The following WDPCP variants were observed in gnomAD, a reference collection of about 807,000 sequenced individuals.
WDPCP encodes the protein WD repeat containing planar cell polarity effector.
A neutral mutation model predicts 93.1 loss-of-function variants in WDPCP; 71 were observed. The ratio of observed to expected loss-of-function variants is 0.76; its 90% CI spans 0.63 to 0.93. The LOEUF (loss-of-function observed/expected upper bound fraction) is 0.93, where lower values mean the gene tolerates loss of function less well. Among genes scored for constraint, WDPCP ranks in the 40% least tolerant of loss-of-function variants. WDPCP has a pLI of 0.00. For missense variants in WDPCP, 844 were observed against 887.4 expected, an observed-to-expected ratio of 0.95 and a Z score of 0.62; for synonymous variants, 315 against 315.0, an observed-to-expected ratio of 1.00 and a Z score of 0.00.
intron 2 of WDPCP, among the ~76,000 whole-genome samples, chr2:63,694,387 T>G (rs929114690): frequency 3.3e-5 from 5 of 152,164 alleles, no homozygotes; most frequent in African/African-American, 1.2e-4. Context: ...TTGATGCAAC[T>G]TCCCTCTTTT....
At chr2:63,378,809 C>T (rs1692063898) in intron 11 of WDPCP, among the ~76,000 whole-genome samples, 2 of 152,142 alleles carry the variant, frequency 1.3e-5, no homozygotes, top group South Asian at 4.1e-4. Context: ...CAAAGTAACA[C>T]AGTTTGAACT....
chr2:63,705,970 T>G (rs1345018779), intron 2 of WDPCP, among the ~76,000 whole-genome samples: 1 of 152,182 alleles, frequency 6.6e-6, no homozygotes, highest in East Asian at 1.9e-4. Flanking sequence ...GCTTTATGAA[T>G]CTGGGTGCCC....
At chr2:63,228,144 C>G (rs1177527995) in intron 14 of WDPCP, among the ~76,000 whole-genome samples, 1 of 151,916 alleles carries the variant, frequency 6.6e-6, no homozygotes, top group Non-Finnish European at 1.5e-5. Context: ...TGAAAATCTC[C>G]AAGTTGCTGG....
chr2:63,236,263 ACAC>A (rs1312897857), intron 14 of WDPCP, among the ~76,000 whole-genome samples: 1 of 152,176 alleles, frequency 6.6e-6, no homozygotes, highest in Non-Finnish European at 1.5e-5. Flanking sequence ...ACTTAAGAAT[ACAC>A]CTAACCAAGA....
At chr2:63,219,072 C>T (rs558697430) in intron 14 of WDPCP, among the ~76,000 whole-genome samples, 1 of 152,212 alleles carries the variant, frequency 6.6e-6, no homozygotes, top group South Asian at 2.1e-4. Flanking sequence ...TACATGTATG[C>T]ATAGTGTCAT....
At position 63,427,466 on chromosome 2, in the gene WDPCP, A is replaced by C. The variant is rs181319302; in HGVS notation, c.825+6279T>G. ...AAAACCACAAAATTACATGGAAATT[A>C]AACAACTTACTCCTGAATGACTTTT... On this transcript the variant is annotated intron_variant, in intron 9 of 17. Transcript: ENST00000272321. Among the ~76,000 whole-genome samples the C allele has an allele frequency of 2.4e-3, 373 of 152,332 alleles. 4 individuals carry two copies. The highest frequency in any genetic ancestry group is 8.5e-3 in the African/African-American group (354 of 41,586).
intron 12 of WDPCP, among the ~76,000 whole-genome samples, chr2:63,358,823 T>A (rs1690218941): frequency 6.6e-6 from 1 of 152,178 alleles, no homozygotes; most frequent in Non-Finnish European, 1.5e-5. Context: ...CAAATTCTTT[T>A]CCACTATCAC....
chr2:63,271,191 G>C (rs527504696), intron 13 of WDPCP, among the ~76,000 whole-genome samples: 12 of 152,350 alleles, frequency 7.9e-5, no homozygotes, highest in African/African-American at 2.9e-4. Context: ...CAGAGCCTGA[G>C]AGCCAACTTC....
rs190903138 is a variant in WDPCP at position 63,819,438 on chromosome 2, T to C, written n.223-5731A>G. On this transcript the variant is annotated intron_variant and non_coding_transcript_variant, in intron 1 of 4. Coordinates refer to the WDPCP transcript ENST00000467687. Reference sequence around the variant, plus strand: ...GGTCAGGTGGCTTGGGTTTCCCTAATAGTCATAAACCAGCAGGTGGAGGAT... The same window carrying C: ...GGTCAGGTGGCTTGGGTTTCCCTAACAGTCATAAACCAGCAGGTGGAGGAT... Among the ~76,000 whole-genome samples the C allele has an allele frequency of 2.0e-5, 3 of 152,298 alleles. No homozygotes were observed. In the East Asian group the frequency reaches 5.8e-4, roughly 29 times the overall value.
chr2:63,529,694 T>C (rs1165961596), intron 1 of WDPCP, among the ~76,000 whole-genome samples: 1 of 152,208 alleles, frequency 6.6e-6, no homozygotes, highest in African/African-American at 2.4e-5. Context: ...GTTGTGTCTC[T>C]GCCAGGCTTT....
intron 12 of WDPCP, among the ~76,000 whole-genome samples, chr2:63,345,801 A>C (rs545808073): frequency 6.6e-6 from 1 of 152,272 alleles, no homozygotes; most frequent in East Asian, 1.9e-4. Flanking sequence ...ACTCCACTGT[A>C]CTAGAAGAAG....
chr2:63,722,422 C>T (rs2103794031), intron 2 of WDPCP, among the ~76,000 whole-genome samples: 1 of 149,790 alleles, frequency 6.7e-6, no homozygotes, highest in Admixed American at 6.6e-5. Context: ...CCGGCCGCGA[C>T]CCCATCTGGG....
At chr2:63,681,071 G>T (rs1242307766) in intron 2 of WDPCP, among the ~76,000 whole-genome samples, 1 of 152,164 alleles carries the variant, frequency 6.6e-6, no homozygotes, top group South Asian at 2.1e-4. Context: ...CCTTGGGTGA[G>T]ACCGAGATGT....
intron 9 of WDPCP, among the ~76,000 whole-genome samples, chr2:63,415,222 G>C (rs1459941724): frequency 6.6e-6 from 1 of 152,110 alleles, no homozygotes; most frequent in African/African-American, 2.4e-5. Flanking sequence ...AATTAGCCAG[G>C]CACGGTGGCA....
chr2:63,706,633 G>A (rs1305143222), intron 2 of WDPCP, among the ~76,000 whole-genome samples: 6 of 115,018 alleles, frequency 5.2e-5, no homozygotes, highest in African/African-American at 9.8e-5. Flanking sequence ...TTTTTGAGAC[G>A]GAGTCTCGCT....
upstream of WDPCP, chr2:63,589,043 C>G (rs572354778): frequency 6.2e-7 from 1 of 1,614,230 alleles, no homozygotes; most frequent in South Asian, 1.1e-5. Context: ...AGTTTTCAAT[C>G]ATGGTGAGTG....
intron 3 of WDPCP, among the ~76,000 whole-genome samples, chr2:63,602,011 T>A (rs1418379869): frequency 6.6e-6 from 1 of 152,190 alleles, no homozygotes; most frequent in Non-Finnish European, 1.5e-5. Flanking sequence ...GCTAAGCAGA[T>A]CAATAGCTGG....
chr2:63,552,175 A>G (rs1337497158), intron 1 of WDPCP, among the ~76,000 whole-genome samples: 1 of 149,436 alleles, frequency 6.7e-6, no homozygotes, highest in African/African-American at 2.5e-5. Flanking sequence ...AAAAGTTGTG[A>G]AAAGTTATTT....
intron 1 of WDPCP, among the ~76,000 whole-genome samples, chr2:63,547,616 A>T (rs1705249537): frequency 6.6e-6 from 1 of 151,838 alleles, no homozygotes; most frequent in African/African-American, 2.4e-5. Flanking sequence ...TTATTCAGCC[A>T]TTATAAAGAA....
Sources: allele counts gnomAD v4.1 joint callset (sites outside exome capture counted in the v4.1 genomes callset), GRCh38; gene constraint gnomAD v4.1.1; transcripts MANE v1.5; gene names NCBI Gene and HGNC (gene_info 2026-07-23, HGNC 2026-07-21).